Variants in ANKS1B observed in about 807,000 individuals in gnomAD.
The protein encoded by ANKS1B is ankyrin repeat and sterile alpha motif domain-containing protein 1B.
A neutral mutation model predicts 148.3 loss-of-function variants in ANKS1B; 36 were observed. That is an observed-to-expected ratio of 0.24 (90% confidence interval 0.19 to 0.32). The LOEUF (loss-of-function observed/expected upper bound fraction) is 0.32, where lower values mean the gene tolerates loss of function less well. Among genes scored for constraint, ANKS1B ranks in the 10% least tolerant of loss-of-function variants. The probability of loss-of-function intolerance (pLI) is 1.00; values close to 1 mark genes in which losing one functional copy is unlikely to be tolerated. For synonymous variants in ANKS1B, 542 were observed against 560.8 expected, an observed-to-expected ratio of 0.97 and a Z score of 0.47; for missense variants, 1,157 against 1,542.6, an observed-to-expected ratio of 0.75 and a Z score of 4.19.
At chr12:99,278,129 A>T (rs1398145273) in intron 12 of ANKS1B, among the ~76,000 whole-genome samples, 1 of 152,238 alleles carries the variant, frequency 6.6e-6, no homozygotes, top group Non-Finnish European at 1.5e-5. Flanking sequence ...GCAGCTGCCC[A>T]TCAGGAATTA....
At chr12:99,078,813 A>G (rs2048705244) in intron 16 of ANKS1B, among the ~76,000 whole-genome samples, 2 of 137,246 alleles carry the variant, frequency 1.5e-5, no homozygotes, top group Middle Eastern at 3.4e-3. Flanking sequence ...CACCTCTATT[A>G]TGTATGAACT....
intron 15 of ANKS1B, among the ~76,000 whole-genome samples, chr12:99,147,929 C>T (rs961726324): frequency 2.0e-5 from 3 of 151,740 alleles, no homozygotes; most frequent in African/African-American, 7.3e-5. Flanking sequence ...AAGCAGGGGG[C>T]AGGGAACTGG....
At chr12:99,451,129 T>C (rs1410698958) in intron 10 of ANKS1B, among the ~76,000 whole-genome samples, 1 of 152,214 alleles carries the variant, frequency 6.6e-6, no homozygotes, top group African/African-American at 2.4e-5. Flanking sequence ...CTGCAAAATA[T>C]ACTTGCAATT....
At chr12:99,613,333 C>T (rs1485817991) in intron 9 of ANKS1B, among the ~76,000 whole-genome samples, 2 of 152,072 alleles carry the variant, frequency 1.3e-5, no homozygotes. Flanking sequence ...TATCATTCAA[C>T]CCAGCAATCC....
intron 14 of ANKS1B, among the ~76,000 whole-genome samples, chr12:99,204,713 G>C (rs1033495144): frequency 7.9e-5 from 12 of 152,216 alleles, no homozygotes; most frequent in African/African-American, 2.9e-4. Context: ...GATGCTGGAA[G>C]GGTTTGCATT....
intron 8 of ANKS1B, among the ~76,000 whole-genome samples, chr12:99,738,837 G>C (rs1373659748): frequency 6.6e-6 from 1 of 152,174 alleles, no homozygotes; most frequent in Non-Finnish European, 1.5e-5. Context: ...CACATTTGGA[G>C]ATGTGAGGCT....
chr12:98,921,558 A>G (rs557876798), intron 17 of ANKS1B, among the ~76,000 whole-genome samples: 1 of 152,304 alleles, frequency 6.6e-6, no homozygotes, highest in African/African-American at 2.4e-5. Context: ...GGTTTTAAAG[A>G]AAATATGTGA....
chr12:99,710,755 G>A (rs200499666), intron 8 of ANKS1B, among the ~76,000 whole-genome samples: 6 of 151,942 alleles, frequency 3.9e-5, no homozygotes, highest in Admixed American at 1.3e-4. Context: ...TTGCATTTCC[G>A]TTTATTTACA....
At chr12:98,822,064 G>C (rs914323816) in intron 19 of ANKS1B, among the ~76,000 whole-genome samples, 1 of 152,086 alleles carries the variant, frequency 6.6e-6, no homozygotes, top group African/African-American at 2.4e-5. Flanking sequence ...CCAAGAGAAG[G>C]AGAGCCAGAG....
At chr12:99,639,588 T>C (rs372327825) in intron 9 of ANKS1B, among the ~76,000 whole-genome samples, 21 of 152,234 alleles carry the variant, frequency 1.4e-4, no homozygotes, top group East Asian at 5.8e-4. Context: ...TTGGAGGCAA[T>C]TGGATCAGGG....
intron 17 of ANKS1B, among the ~76,000 whole-genome samples, chr12:98,872,684 G>A (rs148606990): frequency 7.7e-4 from 118 of 152,284 alleles, no homozygotes; most frequent in Non-Finnish European, 1.3e-3. Context: ...GGGGGCCATC[G>A]CCAAGCTAAG....
chr12:99,022,810 C>A (rs191881121), intron 17 of ANKS1B, among the ~76,000 whole-genome samples: 1 of 152,186 alleles, frequency 6.6e-6, no homozygotes, highest in East Asian at 1.9e-4. Context: ...CCTCAGCCTC[C>A]TGAGTCACTG....
chr12:98,925,966 A>G (rs551290556), intron 17 of ANKS1B, among the ~76,000 whole-genome samples: 27 of 152,298 alleles, frequency 1.8e-4, no homozygotes, highest in African/African-American at 6.5e-4. Flanking sequence ...CAAAAATTTC[A>G]CAGGAAAGAC....
chr12:98,777,623 A>T (rs1021212879), intron 24 of ANKS1B, among the ~76,000 whole-genome samples: 12 of 152,224 alleles, frequency 7.9e-5, no homozygotes, highest in Admixed American at 2.6e-4. Flanking sequence ...TATCTAAAAC[A>T]CTTTAGTGCT....
chr12:99,910,453 T>C lies in ANKS1B; in HGVS notation c.134+73651A>G, dbSNP rs145305929. 5.2e-3 allele frequency among the ~76,000 whole-genome samples: 784 copies of C among 151,410 alleles called. 11 individuals carry two copies. The highest frequency in any genetic ancestry group is 0.018 in the African/African-American group (732 of 41,238). ...TGCTAAGTGAAAGAAGACAGTCATA[T>C]AGGCCACACATTGTATGATTCCACT... On this transcript the variant is annotated intron_variant, in intron 1 of 26. Coordinates refer to ENST00000683438, the MANE Select transcript of ANKS1B (RefSeq NM_001352186.2).
Position 99,665,401 on chromosome 12 carries a change from G to A in ANKS1B, c.1129-10191C>T, listed in dbSNP as rs1237829467. Reference sequence around the variant, plus strand: ...ACATTTCTGCCAGTGCTACTAATGTGCTAAATATCTTCTCCTGTGCTTAGA... The same window carrying A: ...ACATTTCTGCCAGTGCTACTAATGTACTAAATATCTTCTCCTGTGCTTAGA... On this transcript the variant is annotated intron_variant, in intron 8 of 26. Transcript: ENST00000683438. Among the ~76,000 whole-genome samples, 12 of 151,946 alleles carry A rather than the reference G, an allele frequency of 7.9e-5. 1 individual carries two copies. The highest frequency in any genetic ancestry group is 1.8e-4 in the Non-Finnish European group (12 of 68,004).
At chr12:99,339,863 C>T (rs1328583619) in intron 12 of ANKS1B, among the ~76,000 whole-genome samples, 1 of 152,108 alleles carries the variant, frequency 6.6e-6, no homozygotes, top group Non-Finnish European at 1.5e-5. Context: ...GAAACTGAGA[C>T]TCTGCGTCAG....
chr12:99,100,704 A>G (rs568605629), intron 15 of ANKS1B, among the ~76,000 whole-genome samples: 23 of 152,118 alleles, frequency 1.5e-4, no homozygotes, highest in Non-Finnish European at 2.6e-4. Flanking sequence ...TAAGTTTTGT[A>G]TTTTTAGTAA....
intron 12 of ANKS1B, among the ~76,000 whole-genome samples, chr12:99,306,237 C>T (rs964555969): frequency 1.3e-5 from 2 of 151,962 alleles, no homozygotes; most frequent in African/African-American, 4.8e-5. Flanking sequence ...TGTACTGCTC[C>T]CTCAGCAACC....
Sources: gnomAD v4.1 joint callset for allele counts (sites outside exome capture counted in the v4.1 genomes callset) on GRCh38, gnomAD v4.1.1 for gene constraint, MANE v1.5 for transcripts, NCBI Gene and HGNC (gene_info 2026-07-23, HGNC 2026-07-21) for gene names.